TMC1: variants seen among roughly 807,000 people sequenced by gnomAD.
TMC1 encodes the protein transmembrane channel like 1.
In TMC1, 84 loss-of-function variants were observed where a neutral mutation model predicts 105.8. The ratio of observed to expected loss-of-function variants is 0.79; its 90% CI spans 0.67 to 0.95. The LOEUF (loss-of-function observed/expected upper bound fraction) is 0.95, where lower values mean the gene tolerates loss of function less well. Among genes scored for constraint, TMC1 ranks in the 40% least tolerant of loss-of-function variants. TMC1 has a pLI of 0.00. For synonymous variants in TMC1, 315 were observed against 311.5 expected (o/e 1.01, Z -0.12); for missense variants, 817 against 914.1 (o/e 0.89, Z 1.37).
At chr9:72,544,501 G>C (rs560522236) in intron 1 of TMC1, among the ~76,000 whole-genome samples, 108 of 102,176 alleles carry the variant, frequency 1.1e-3, no homozygotes, top group Non-Finnish European at 1.5e-3. Context: ...TTTTTTGTGA[G>C]AAAGTCTTGC....
chr9:72,681,570 G>C (rs1401340550), intron 5 of TMC1, among the ~76,000 whole-genome samples: 1 of 152,164 alleles, frequency 6.6e-6, no homozygotes, highest in East Asian at 1.9e-4. Context: ...CCAGCTCAGG[G>C]GTGGTAGAAT....
intron 5 of TMC1, among the ~76,000 whole-genome samples, chr9:72,649,089 G>A (rs1017030085): frequency 2.0e-5 from 3 of 152,200 alleles, no homozygotes; most frequent in African/African-American, 4.8e-5. Context: ...TCTAAATTAA[G>A]TTGAGAAGAG....
At chr9:72,686,483 T>C (rs1826381468) in intron 5 of TMC1, among the ~76,000 whole-genome samples, 1 of 152,172 alleles carries the variant, frequency 6.6e-6, no homozygotes, top group South Asian at 2.1e-4. Flanking sequence ...TTGAAGGAGA[T>C]ATAGGCCAGT....
chr9:72,625,084 C>T (rs1564452711), intron 3 of TMC1, among the ~76,000 whole-genome samples: 1 of 152,106 alleles, frequency 6.6e-6, no homozygotes, highest in Non-Finnish European at 1.5e-5. Flanking sequence ...ATGTCTTTGT[C>T]TCCTCCCCTT....
At chr9:72,615,176 C>T (rs1055085474) in intron 2 of TMC1, among the ~76,000 whole-genome samples, 2 of 152,100 alleles carry the variant, frequency 1.3e-5, no homozygotes, top group Non-Finnish European at 2.9e-5. Flanking sequence ...TTTTTCATTT[C>T]CTATGTGTCA....
intron 20 of TMC1, among the ~76,000 whole-genome samples, chr9:72,823,034 TTTG>T (rs1300196784): frequency 1.3e-5 from 2 of 152,226 alleles, no homozygotes; most frequent in Non-Finnish European, 2.9e-5. Flanking sequence ...AAATTATTTA[TTTG>T]TTTTTTAATT....
At chr9:72,650,950 C>T (rs1446189547) in intron 5 of TMC1, among the ~76,000 whole-genome samples, 3 of 98,120 alleles carry the variant, frequency 3.1e-5, no homozygotes, top group East Asian at 3.6e-4. Flanking sequence ...ATATATGTCA[C>T]ATATATATAT....
intron 1 of TMC1, among the ~76,000 whole-genome samples, chr9:72,562,400 C>G (rs1049779283): frequency 5.1e-4 from 77 of 152,164 alleles, no homozygotes; most frequent in Non-Finnish European, 5.9e-5. Context: ...ATGTAATTTA[C>G]ATTTTTACAT....
At chr9:72,709,509 A>G (rs1294478730) in intron 8 of TMC1, among the ~76,000 whole-genome samples, 1 of 152,060 alleles carries the variant, frequency 6.6e-6, no homozygotes, top group Non-Finnish European at 1.5e-5. Flanking sequence ...TTAAATTACT[A>G]TTTCAATTTC....
intron 3 of TMC1, among the ~76,000 whole-genome samples, chr9:72,624,267 T>TGGCTAAAGACGGCCC (rs1254372086): frequency 6.6e-6 from 1 of 152,046 alleles, no homozygotes; most frequent in Admixed American, 6.5e-5. Context: ...AGAACTGGGG[T>TGGCTAAAGACGGCCC]GGCTAAAGAC....
intron 4 of TMC1, among the ~76,000 whole-genome samples, chr9:72,647,351 C>T (rs1046180613): frequency 2.4e-4 from 36 of 151,910 alleles, no homozygotes; most frequent in African/African-American, 8.7e-4. Context: ...TCTTGCAAAA[C>T]ATCTTTTGTT....
chr9:72,543,864 G>A (rs1356656049), intron 1 of TMC1, among the ~76,000 whole-genome samples: 1 of 151,860 alleles, frequency 6.6e-6, no homozygotes. Context: ...AGCCTCCCAA[G>A]TAGCTGGGAA....
rs1215737443 is a variant in TMC1 at position 72,616,422 on chromosome 9, G to T, written c.-251G>T. ...TGGTGCAGTGGAACAGATAGACCTC[G>T]GTTTGAATCTCAGCTCTACTGTTTA... On this transcript the variant is annotated 5_prime_UTR_variant, in exon 3 of 24. Transcript: ENST00000297784. The T allele has an allele frequency of 6.6e-6, 1 of 151,940 alleles. No homozygotes were observed. The highest frequency in any genetic ancestry group is 2.1e-4 in the South Asian group (1 of 4,788). 9.4% of individuals were successfully genotyped at this position (151,940 alleles called of 1,614,324 possible). A position where few individuals can be genotyped will look rare whatever the true frequency, so the allele number is the denominator to read the frequency against.
At chr9:72,607,028 A>AGAGAG (rs770219292) in intron 2 of TMC1, among the ~76,000 whole-genome samples, 28 of 91,112 alleles carry the variant, frequency 3.1e-4, no homozygotes, top group African/African-American at 1.1e-3. Flanking sequence ...GAGAGAGAGA[A>AGAGAG]AGAGAACTTA....
chr9:72,567,859 G>T (rs996367196), intron 1 of TMC1, among the ~76,000 whole-genome samples: 1 of 152,066 alleles, frequency 6.6e-6, no homozygotes, highest in Non-Finnish European at 1.5e-5. Flanking sequence ...TTGAATCATT[G>T]TTCATTAATC....
intron 6 of TMC1, among the ~76,000 whole-genome samples, chr9:72,692,105 G>C (rs960133331): frequency 3.3e-5 from 5 of 152,166 alleles, no homozygotes; most frequent in African/African-American, 1.2e-4. Flanking sequence ...GTGCTAAATT[G>C]GGGGAGTGGC....
Position 72,683,731 on chromosome 9 carries a change from TTTTATATATATATATATATATATATA to T in TMC1, c.17-4976_17-4951del, listed in dbSNP as rs200157725. Among the ~76,000 whole-genome samples the T allele has an allele frequency of 0.024, 1,168 of 49,616 alleles. 130 individuals are homozygous for T. In the East Asian group the frequency reaches 0.38, roughly 16 times the overall value. 32.6% of individuals were successfully genotyped at this position (49,616 alleles called of 152,430 possible). ...GGTCTGAGTTAACCTGAGTTACACA[TTTTATATATATATATATATATATATA>T]TATATATATATATATATGTTAAAAA... On this transcript the variant is annotated intron_variant, in intron 5 of 23. Transcript: ENST00000297784.
At chr9:72,734,032 C>A (rs1287977916) in intron 8 of TMC1, among the ~76,000 whole-genome samples, 1 of 152,106 alleles carries the variant, frequency 6.6e-6, no homozygotes, top group Non-Finnish European at 1.5e-5. Flanking sequence ...AATCTGAGAA[C>A]CCAGAGGGCT....
intron 2 of TMC1, among the ~76,000 whole-genome samples, chr9:72,607,615 C>CAAA (rs1156416280): frequency 3.6e-5 from 2 of 55,136 alleles, no homozygotes; most frequent in African/African-American, 1.3e-4. Context: ...GAGTCTGCCT[C>CAAA]AAAAAAAAAA....
Sources: allele counts gnomAD v4.1 joint callset (sites outside exome capture counted in the v4.1 genomes callset), GRCh38; gene constraint gnomAD v4.1.1; transcripts MANE v1.5; gene names NCBI Gene and HGNC (gene_info 2026-07-23, HGNC 2026-07-21).